The following DLG2 variants were observed in gnomAD, a reference collection of about 807,000 sequenced individuals.
DLG2 encodes the protein disks large homolog 2.
A neutral mutation model predicts 132.5 loss-of-function variants in DLG2; 45 were observed. The ratio of observed to expected loss-of-function variants is 0.34; its 90% CI spans 0.27 to 0.44. The LOEUF (loss-of-function observed/expected upper bound fraction) is 0.44, where lower values mean the gene tolerates loss of function less well. DLG2 is among the 20% of genes least tolerant of loss of function. The probability of loss-of-function intolerance (pLI) is 1.00; values close to 1 mark genes in which losing one functional copy is unlikely to be tolerated. For synonymous variants in DLG2, 424 were observed against 419.6 expected (o/e 1.01, Z -0.13); for missense variants, 1,045 against 1,196.9 (o/e 0.87, Z 1.87).
At chr11:85,281,317 A>G (rs138115764) in intron 4 of DLG2, among the ~76,000 whole-genome samples, 2 of 152,140 alleles carry the variant, frequency 1.3e-5, no homozygotes, top group African/African-American at 4.8e-5. Flanking sequence ...TTGCTTCAGA[A>G]GCCCATCTGA....
intron 4 of DLG2, among the ~76,000 whole-genome samples, chr11:85,241,071 C>G (rs553922885): frequency 4.6e-5 from 7 of 151,318 alleles, no homozygotes; most frequent in Non-Finnish European, 8.9e-5. Flanking sequence ...ATTATTAATG[C>G]TTTTTAATAA....
In DLG2 at chr11:85,428,281, T is replaced by C. The variant is rs565234021; in HGVS notation, c.41-142916A>G. On this transcript the variant is annotated intron_variant, in intron 3 of 27. Transcript: ENST00000376104. ...TCAGCTCTGCACCAAGTGGACCTAA[T>C]AGACATCAACAGAACTCTCCACCCC... Among the ~76,000 whole-genome samples the C allele has an allele frequency of 3.4e-3, 521 of 152,314 alleles. 4 individuals carry two copies. The highest frequency in any genetic ancestry group is 6.8e-3 in the Middle Eastern group (2 of 294).
chr11:84,032,810 G>C (rs971647566), intron 11 of DLG2, among the ~76,000 whole-genome samples: 3 of 152,140 alleles, frequency 2.0e-5, no homozygotes, highest in African/African-American at 7.2e-5. Flanking sequence ...GTGACTTTAA[G>C]TGGAAGCCAA....
At chr11:84,566,991 C>T (rs1255963131) in intron 6 of DLG2, among the ~76,000 whole-genome samples, 4 of 152,092 alleles carry the variant, frequency 2.6e-5, no homozygotes, top group Non-Finnish European at 5.9e-5. Flanking sequence ...AAACACATAA[C>T]GACTTTGTGA....
At chr11:84,794,212 A>C (rs1473755904) in intron 6 of DLG2, among the ~76,000 whole-genome samples, 1 of 152,282 alleles carries the variant, frequency 6.6e-6, no homozygotes. Context: ...TTGATAGCCC[A>C]GCAAGGTGAA....
chr11:84,023,890 C>T (rs1475139557), intron 11 of DLG2, among the ~76,000 whole-genome samples: 1 of 152,040 alleles, frequency 6.6e-6, no homozygotes, highest in Non-Finnish European at 1.5e-5. Flanking sequence ...TAATGAACAC[C>T]AAGTACATTT....
chr11:84,499,971 A>T (rs2099198391), intron 7 of DLG2, among the ~76,000 whole-genome samples: 3 of 152,158 alleles, frequency 2.0e-5, no homozygotes, highest in Admixed American at 6.6e-5. Context: ...CATTTATTTA[A>T]AATAATTACT....
In DLG2 at chr11:84,285,660, G is replaced by A. The variant is rs1226216376; in HGVS notation, c.520-34369C>T. 2.0e-5 allele frequency among the ~76,000 whole-genome samples: 3 copies of A among 152,088 alleles called. No individual in the cohort carries two copies. The East Asian group carries it at 5.8e-4, about 29-fold the overall frequency. ...AATAGGTCTCCAGACATGACCTAAT[G>A]CCCCCTAGGGAAACAAAAGTAGGCC... On this transcript the variant is annotated intron_variant, in intron 7 of 27. Transcript: ENST00000376104.
intron 3 of DLG2, among the ~76,000 whole-genome samples, chr11:85,499,360 T>C (rs1403407542): frequency 2.0e-5 from 3 of 152,164 alleles, no homozygotes; most frequent in Non-Finnish European, 4.4e-5. Flanking sequence ...AATGGATAAA[T>C]TCATGGATAA....
In DLG2 at chr11:84,910,450, C is replaced by T. The variant is rs61907738; in HGVS notation, c.357+201211G>A. 5.7e-3 allele frequency among the ~76,000 whole-genome samples: 873 copies of T among 152,002 alleles called. 3 individuals are homozygous for T. Among genetic ancestry groups the T allele is most frequent in the Non-Finnish European group, 8.7e-3 (591 of 67,952 alleles). On this transcript the variant is annotated intron_variant, in intron 6 of 27. Coordinates refer to ENST00000376104, the MANE Select transcript of DLG2 (RefSeq NM_001142699.3). ...TTAGACAGAATGATTTTTTTTACTT[C>T]AAATCAAATTAACTTTAATAAATAA...
chr11:84,828,475 A>C (rs1482704405), intron 6 of DLG2, among the ~76,000 whole-genome samples: 1 of 151,820 alleles, frequency 6.6e-6, no homozygotes, highest in East Asian at 1.9e-4. Flanking sequence ...ATTCCATTTT[A>C]AAGGGATAAA....
At chr11:83,653,881 C>A (rs1157595269) in intron 18 of DLG2, among the ~76,000 whole-genome samples, 1 of 152,028 alleles carries the variant, frequency 6.6e-6, no homozygotes, top group East Asian at 1.9e-4. Flanking sequence ...CACCACCACA[C>A]CTAGCTAATA....
chr11:85,044,866 T>A (rs955453965), intron 6 of DLG2, among the ~76,000 whole-genome samples: 9 of 152,070 alleles, frequency 5.9e-5, no homozygotes, highest in Non-Finnish European at 1.0e-4. Context: ...GGAGTTTCAT[T>A]TTCTCTTTAA....
chr11:84,634,419 G>C (rs1338617659), intron 6 of DLG2, among the ~76,000 whole-genome samples: 1 of 152,174 alleles, frequency 6.6e-6, no homozygotes, highest in East Asian at 1.9e-4. Flanking sequence ...AACTTAACTG[G>C]ATGTGTAAAC....
chr11:84,288,014 A>T (rs1398816937), intron 7 of DLG2, among the ~76,000 whole-genome samples: 1 of 151,516 alleles, frequency 6.6e-6, no homozygotes, highest in Non-Finnish European at 1.5e-5. Flanking sequence ...TAAAGCTTGT[A>T]GGCAGTGGAA....
At chr11:85,418,022 G>C (rs2090007021) in intron 3 of DLG2, among the ~76,000 whole-genome samples, 1 of 151,920 alleles carries the variant, frequency 6.6e-6, no homozygotes, top group Non-Finnish European at 1.5e-5. Flanking sequence ...TCTTTTAATT[G>C]AGATGTTAGG....
intron 6 of DLG2, among the ~76,000 whole-genome samples, chr11:85,033,399 A>T (rs2154145755): frequency 6.6e-6 from 1 of 152,090 alleles, no homozygotes; most frequent in African/African-American, 2.4e-5. Flanking sequence ...AAAAAAAAAA[A>T]AAAAAAAAAT....
intron 6 of DLG2, among the ~76,000 whole-genome samples, chr11:84,591,783 A>T (rs2099543952): frequency 6.6e-6 from 1 of 152,192 alleles, no homozygotes; most frequent in Admixed American, 6.5e-5. Flanking sequence ...AACTCCTGAT[A>T]CCCAGTTTGC....
At chr11:84,868,605 A>G (rs2084989096) in intron 6 of DLG2, among the ~76,000 whole-genome samples, 1 of 152,138 alleles carries the variant, frequency 6.6e-6, no homozygotes, top group Non-Finnish European at 1.5e-5. Flanking sequence ...TTTTGAAAGG[A>G]AATAGGAGTG....
Sources: allele counts gnomAD v4.1 joint callset (sites outside exome capture counted in the v4.1 genomes callset), GRCh38; gene constraint gnomAD v4.1.1; transcripts MANE v1.5; gene names NCBI Gene and HGNC (gene_info 2026-07-23, HGNC 2026-07-21).